Variants in MICU2 observed in about 807,000 individuals in gnomAD.
MICU2 encodes calcium uptake protein 2, mitochondrial.
Under a neutral mutation model 60.4 loss-of-function variants are expected in MICU2, and 64 were observed. The observed-to-expected ratio is 1.06, with a 90% CI of 0.87 to 1.31. The LOEUF (loss-of-function observed/expected upper bound fraction) is 1.31, where lower values mean the gene tolerates loss of function less well. MICU2 is among the 50% of genes most tolerant of loss of function. The pLI is 0.00. For missense variants in MICU2, 569 were observed against 531.0 expected (o/e 1.07, Z -0.70); for synonymous variants, 201 against 175.0 (o/e 1.15, Z -1.17).
chr13:21,495,040 G>T, intron 11 of MICU2, 121 bp downstream of exon 11: 2 of 627,278 alleles, frequency 3.2e-6, no homozygotes, highest in East Asian at 5.8e-5. Flanking sequence ...TTCAATTACA[G>T]CTTATAGTCT....
At chr13:21,493,394 A>T (rs772072259) in intron 11 of MICU2, 41 bp from the exon 12 acceptor site, 3 of 1,393,764 alleles carry the variant, frequency 2.2e-6, no homozygotes, top group Admixed American at 2.1e-5. Flanking sequence ...ATTGTCTTCA[A>T]GGTTAAACAT....
At position 21,547,216 on chromosome 13, in the gene MICU2, G is replaced by C. The variant is rs956828813; in HGVS notation, c.359-7528C>G. On this transcript the variant is annotated intron_variant, in intron 2 of 11. Transcript: ENST00000382374. ...GCAGCCACAAAGGTTCAAGGGGAGG[G>C]ACAAAGGCTCCACTTTTGATGGGGA... Among the ~76,000 whole-genome samples, 6 of 152,174 alleles carry C rather than the reference G, an allele frequency of 3.9e-5. No homozygotes were observed. In the South Asian group the frequency reaches 1.2e-3, roughly 32 times the overall value.
chr13:21,509,262 GCATT>G (rs956685416), intron 8 of MICU2, among the ~76,000 whole-genome samples: 1 of 152,158 alleles, frequency 6.6e-6, no homozygotes, highest in African/African-American at 2.4e-5. Flanking sequence ...TATAAGGTAA[GCATT>G]ATTATGTCTA....
intron 8 of MICU2, among the ~76,000 whole-genome samples, chr13:21,509,064 T>C (rs894308358): frequency 1.3e-5 from 2 of 152,240 alleles, no homozygotes; most frequent in Non-Finnish European, 2.9e-5. Flanking sequence ...TTCAGCTGAA[T>C]AAGATGCAGG....
At chr13:21,590,683 G>A (rs764999125) in intron 1 of MICU2, among the ~76,000 whole-genome samples, 1 of 152,088 alleles carries the variant, frequency 6.6e-6, no homozygotes, top group Non-Finnish European at 1.5e-5. Flanking sequence ...TGAAACCCCC[G>A]TTTCTACTAA....
intron 8 of MICU2, among the ~76,000 whole-genome samples, chr13:21,506,937 A>G (rs1210538671): frequency 6.6e-6 from 1 of 152,266 alleles, no homozygotes; most frequent in Non-Finnish European, 1.5e-5. Context: ...TTTTTGTGGA[A>G]TATCAATGAT....
chr13:21,499,873 A>C (rs528877677), intron 9 of MICU2, among the ~76,000 whole-genome samples: 1 of 152,272 alleles, frequency 6.6e-6, no homozygotes, highest in Admixed American at 6.5e-5. Flanking sequence ...TAAACATACA[A>C]AAATTGCGAG....
chr13:21,568,961 C>G (rs2040059), intron 1 of MICU2, among the ~76,000 whole-genome samples: 52,602 of 151,676 alleles, frequency 0.35, 9,481 homozygotes, highest in South Asian at 0.41. Context: ...GAAGAGGCTT[C>G]AGTCAGTTAT....
intron 2 of MICU2, among the ~76,000 whole-genome samples, chr13:21,558,548 C>A (rs1346324997): frequency 6.6e-6 from 1 of 151,788 alleles, no homozygotes; most frequent in Admixed American, 6.6e-5. Context: ...TGAACTTCTC[C>A]ATTTTCTGTT....
At chr13:21,584,517 C>T (rs1294023448) in intron 1 of MICU2, among the ~76,000 whole-genome samples, 1 of 152,018 alleles carries the variant, frequency 6.6e-6, no homozygotes, top group Non-Finnish European at 1.5e-5. Context: ...TAATGATATC[C>T]ATGTGGATAA....
intron 1 of MICU2, among the ~76,000 whole-genome samples, chr13:21,573,524 G>A (rs934435314): frequency 1.3e-5 from 2 of 152,166 alleles, no homozygotes; most frequent in African/African-American, 4.8e-5. Flanking sequence ...CGCCCACCTC[G>A]GCCTATAAAA....
chr13:21,526,816 A>C (rs1303513873), intron 4 of MICU2, among the ~76,000 whole-genome samples: 1 of 152,178 alleles, frequency 6.6e-6, no homozygotes, highest in African/African-American at 2.4e-5. Context: ...ATGGGAAAAA[A>C]AAAAACTACT....
intron 4 of MICU2, among the ~76,000 whole-genome samples, chr13:21,526,546 G>C (rs991114097): frequency 1.3e-5 from 2 of 151,884 alleles, no homozygotes; most frequent in African/African-American, 4.8e-5. Flanking sequence ...AAATGCAGAT[G>C]TTTACAGAAA....
intron 2 of MICU2, among the ~76,000 whole-genome samples, chr13:21,557,769 G>C (rs1373456338): frequency 6.6e-6 from 1 of 152,102 alleles, no homozygotes; most frequent in Non-Finnish European, 1.5e-5. Flanking sequence ...ATGCATAAAG[G>C]ATGTATTATT....
intron 9 of MICU2, among the ~76,000 whole-genome samples, chr13:21,498,369 CTTTTTTTTTTTTTT>C (rs34890922): frequency 1.2e-3 from 93 of 78,572 alleles, no homozygotes; most frequent in Middle Eastern, 9.3e-3. Context: ...ATATCCTATT[CTTTTTTTTTTTTTT>C]TTTTTTTTTT....
At chr13:21,518,253 A>G (rs954250375) in intron 6 of MICU2, among the ~76,000 whole-genome samples, 4 of 152,242 alleles carry the variant, frequency 2.6e-5, no homozygotes, top group Admixed American at 6.5e-5. Context: ...TGTAGGTACA[A>G]TAAGGACTGT....
chr13:21,499,054 G>A (rs570480261), intron 9 of MICU2, among the ~76,000 whole-genome samples: 286 of 152,120 alleles, frequency 1.9e-3, no homozygotes, highest in Non-Finnish European at 3.0e-3. Flanking sequence ...TCATTCAAGC[G>A]ATTCTTCTGC....
At chr13:21,551,901 C>T (rs529015138) in intron 2 of MICU2, among the ~76,000 whole-genome samples, 1 of 152,208 alleles carries the variant, frequency 6.6e-6, no homozygotes, top group South Asian at 2.1e-4. Context: ...CATACGTGTG[C>T]ATGTGTCTTT....
At chr13:21,597,149 A>AT (rs772332322) in intron 1 of MICU2, among the ~76,000 whole-genome samples, 2 of 152,204 alleles carry the variant, frequency 1.3e-5, no homozygotes, top group Admixed American at 6.5e-5. Context: ...GGTTAAATTG[A>AT]CCCATCTTTA....
Sources: allele counts gnomAD v4.1 joint callset (sites outside exome capture counted in the v4.1 genomes callset), GRCh38; gene constraint gnomAD v4.1.1; transcripts MANE v1.5; gene names NCBI Gene and HGNC (gene_info 2026-07-23, HGNC 2026-07-21).